Variants in ANKS1B observed in about 807,000 individuals in gnomAD.
The protein encoded by ANKS1B is ankyrin repeat and sterile alpha motif domain-containing protein 1B.
ANKS1B carries 36 observed loss-of-function variants against 148.3 expected under a neutral mutation model. The ratio of observed to expected loss-of-function variants is 0.24; its 90% CI spans 0.19 to 0.32. The LOEUF (loss-of-function observed/expected upper bound fraction) is 0.32. Among genes scored for constraint, ANKS1B ranks in the 10% least tolerant of loss-of-function variants. ANKS1B has a pLI of 1.00. For missense variants in ANKS1B, 1,157 were observed against 1,542.6 expected (o/e 0.75, Z 4.19); for synonymous variants, 542 against 560.8 (o/e 0.97, Z 0.47).
intron 8 of ANKS1B, among the ~76,000 whole-genome samples, chr12:99,678,177 T>C (rs2085908923): frequency 6.6e-6 from 1 of 152,152 alleles, no homozygotes; most frequent in Non-Finnish European, 1.5e-5. Context: ...GTGGAGTACA[T>C]ACTGTTACCA....
intron 9 of ANKS1B, among the ~76,000 whole-genome samples, chr12:99,514,803 A>G (rs2096799810): frequency 6.6e-6 from 1 of 152,162 alleles, no homozygotes; most frequent in Admixed American, 6.6e-5. Flanking sequence ...CCTTCCCTGC[A>G]CTGGGAAACG....
At chr12:99,459,071 C>G (rs140282947) in intron 10 of ANKS1B, among the ~76,000 whole-genome samples, 5,856 of 151,982 alleles carry the variant, frequency 0.039, 400 homozygotes, top group African/African-American at 0.14. Context: ...CCATGATCAA[C>G]TGGGTTTCAT....
intron 8 of ANKS1B, among the ~76,000 whole-genome samples, chr12:99,731,022 C>T (rs1567734886): frequency 6.6e-6 from 1 of 152,124 alleles, no homozygotes. Flanking sequence ...CTGCAACCTC[C>T]ACCTCCCAGG....
intron 17 of ANKS1B, among the ~76,000 whole-genome samples, chr12:98,963,351 T>C (rs2099875176): frequency 6.6e-6 from 1 of 152,066 alleles, no homozygotes; most frequent in Non-Finnish European, 1.5e-5. Flanking sequence ...CTAATTTTTG[T>C]ATTTTTTGTA....
chr12:99,810,709 A>G (rs186530222), intron 3 of ANKS1B, among the ~76,000 whole-genome samples: 205 of 152,100 alleles, frequency 1.3e-3, no homozygotes, highest in African/African-American at 4.8e-3. Context: ...TCTTTAAAAC[A>G]TATAGCAACT....
At chr12:99,912,544 G>A (rs2094038062) in intron 1 of ANKS1B, among the ~76,000 whole-genome samples, 1 of 151,968 alleles carries the variant, frequency 6.6e-6, no homozygotes, top group Admixed American at 6.6e-5. Context: ...TAGAGACAGG[G>A]TTTCACCGTG....
intron 12 of ANKS1B, among the ~76,000 whole-genome samples, chr12:99,349,777 AGAAGGTCAATAAGAAAATAAAT>A (rs1384815589): frequency 6.6e-6 from 1 of 152,026 alleles, no homozygotes; most frequent in Non-Finnish European, 1.5e-5. Context: ...ATAACTATAC[AGAAGGTCAATAAGAAAATAAAT>A]GACTTCAATG....
intron 14 of ANKS1B, among the ~76,000 whole-genome samples, chr12:99,197,565 C>G (rs192001804): frequency 6.6e-6 from 1 of 152,108 alleles, no homozygotes; most frequent in Non-Finnish European, 1.5e-5. Context: ...CCTGGTTTAC[C>G]TAGGTGGGCC....
chr12:99,564,670 C>T (rs2097370632), intron 9 of ANKS1B, among the ~76,000 whole-genome samples: 1 of 152,134 alleles, frequency 6.6e-6, no homozygotes, highest in African/African-American at 2.4e-5. Flanking sequence ...TGACCACTAA[C>T]ATCCCTTACA....
chr12:99,869,758 A>G (rs2091256017), intron 1 of ANKS1B, among the ~76,000 whole-genome samples: 1 of 152,094 alleles, frequency 6.6e-6, no homozygotes, highest in African/African-American at 2.4e-5. Context: ...GTTCAAATAA[A>G]TATCAATAGC....
Position 99,391,671 on chromosome 12 carries a change from T to G in ANKS1B, c.1756+7960A>C, listed in dbSNP as rs1251054558. Among the ~76,000 whole-genome samples the G allele has an allele frequency of 2.0e-5, 3 of 152,242 alleles. No homozygotes were observed. The East Asian group carries it at 5.8e-4, about 29-fold the overall frequency. On this transcript the variant is annotated intron_variant, in intron 12 of 26. Transcript: ENST00000683438. ...ATTTGGAGTAGCAAGTCCCATGCACTAGCTAACTAACATCACCCCATTATC... is the reference window on the plus strand; with the variant it reads ...ATTTGGAGTAGCAAGTCCCATGCACGAGCTAACTAACATCACCCCATTATC...
chr12:99,929,704 C>T (rs1018621519), intron 1 of ANKS1B, among the ~76,000 whole-genome samples: 1 of 152,176 alleles, frequency 6.6e-6, no homozygotes, highest in African/African-American at 2.4e-5. Flanking sequence ...CCAGTTTCAG[C>T]CTTCTACATG....
intron 14 of ANKS1B, among the ~76,000 whole-genome samples, chr12:99,225,273 C>G (rs566288120): frequency 2.0e-5 from 3 of 151,906 alleles, no homozygotes; most frequent in Non-Finnish European, 4.4e-5. Context: ...TTTCTCTACA[C>G]GCCTTGATAA....
intron 15 of ANKS1B, among the ~76,000 whole-genome samples, chr12:99,097,629 C>A (rs184320480): frequency 6.6e-5 from 10 of 152,184 alleles, no homozygotes; most frequent in Non-Finnish European, 7.4e-5. Context: ...TATAAAAAAT[C>A]AGAAGTATAC....
chr12:99,264,716 G>A (rs1438232115), intron 12 of ANKS1B, among the ~76,000 whole-genome samples: 1 of 152,120 alleles, frequency 6.6e-6, no homozygotes, highest in Non-Finnish European at 1.5e-5. Context: ...CTGTTGCAAA[G>A]GGTGGTCTTA....
chr12:99,213,618 T>A (rs1033689355), intron 14 of ANKS1B, among the ~76,000 whole-genome samples: 1 of 152,200 alleles, frequency 6.6e-6, no homozygotes. Flanking sequence ...CTCTTTATAC[T>A]CAGAGAGCTG....
chr12:99,141,739 T>A (rs1259933807), intron 15 of ANKS1B, among the ~76,000 whole-genome samples: 1 of 152,058 alleles, frequency 6.6e-6, no homozygotes, highest in Non-Finnish European at 1.5e-5. Context: ...TCAATCCACA[T>A]CCCTGCGGAG....
At chr12:99,503,472 C>A (rs759647497) in intron 10 of ANKS1B, among the ~76,000 whole-genome samples, 7 of 152,088 alleles carry the variant, frequency 4.6e-5, no homozygotes, top group Non-Finnish European at 7.4e-5. Context: ...CCATTCTGTT[C>A]TTTTTATTCT....
chr12:99,225,419 T>C (rs576050911), intron 14 of ANKS1B, among the ~76,000 whole-genome samples: 8 of 152,320 alleles, frequency 5.3e-5, no homozygotes, highest in African/African-American at 1.7e-4. Flanking sequence ...TTTTCTAAAA[T>C]GTGATTGTTA....
Sources: gnomAD v4.1 joint callset for allele counts (sites outside exome capture counted in the v4.1 genomes callset) on GRCh38, gnomAD v4.1.1 for gene constraint, MANE v1.5 for transcripts, NCBI Gene and HGNC (gene_info 2026-07-23, HGNC 2026-07-21) for gene names.